NEBL: variants seen among roughly 807,000 people sequenced by gnomAD.
NEBL encodes nebulette, also known as LIM and SH3 protein 2.
Under a neutral mutation model 140.2 loss-of-function variants are expected in NEBL, and 122 were observed. The ratio of observed to expected loss-of-function variants is 0.87; its 90% CI spans 0.75 to 1.01. The LOEUF is 1.01. Ranked by LOEUF, NEBL falls within the 50% of genes least tolerant of loss-of-function variation. The pLI, the probability that NEBL is intolerant of heterozygous loss-of-function variation, is 0.00. For synonymous variants in NEBL, 436 were observed against 398.9 expected (o/e 1.09, Z -1.11); for missense variants, 1,365 against 1,231.3 (o/e 1.11, Z -1.62).
intron 26 of NEBL, among the ~76,000 whole-genome samples, chr10:20,800,810 T>TA (rs1216283373): frequency 2.0e-5 from 3 of 151,874 alleles, no homozygotes; most frequent in Admixed American, 2.0e-4. Context: ...AATTTCTTGG[T>TA]AAAAATCTAA....
intron 14 of NEBL, among the ~76,000 whole-genome samples, chr10:20,834,636 G>A (rs572225509): frequency 3.3e-5 from 5 of 152,276 alleles, no homozygotes; most frequent in Admixed American, 6.5e-5. Flanking sequence ...TCACACAACA[G>A]GTCTCAGGAT....
intron 7 of NEBL, among the ~76,000 whole-genome samples, chr10:20,866,742 GATGGGTGTAA>G (rs1424553880): frequency 2.6e-5 from 4 of 152,156 alleles, no homozygotes; most frequent in African/African-American, 7.2e-5. Context: ...GACACATTGT[GATGGGTGTAA>G]ATGGGTGTAA....
chr10:20,964,185 G>C (rs979049401), intron 3 of NEBL, among the ~76,000 whole-genome samples: 8 of 151,984 alleles, frequency 5.3e-5, no homozygotes, highest in African/African-American at 1.9e-4. Flanking sequence ...CAGCCAAAAA[G>C]GACACCACAT....
chr10:20,790,121 T>G (rs1332811531), intron 26 of NEBL, among the ~76,000 whole-genome samples: 1 of 152,008 alleles, frequency 6.6e-6, no homozygotes, highest in Non-Finnish European at 1.5e-5. Context: ...GAAGGGAGTT[T>G]AGAATGAGAA....
chr10:20,923,137 C>G (rs1009665403), intron 4 of NEBL, among the ~76,000 whole-genome samples: 4 of 152,070 alleles, frequency 2.6e-5, no homozygotes, highest in Admixed American at 6.5e-5. Context: ...GGTGCCATCA[C>G]GGCTCACTGC....
At chr10:21,062,539 T>A (rs1005731375) in intron 2 of NEBL, among the ~76,000 whole-genome samples, 4 of 151,816 alleles carry the variant, frequency 2.6e-5, no homozygotes, top group African/African-American at 9.7e-5. Context: ...AAAATAAAAT[T>A]AGCTGGGCAT....
chr10:20,877,508 C>T (rs1845612861), intron 5 of NEBL, among the ~76,000 whole-genome samples: 1 of 152,178 alleles, frequency 6.6e-6, no homozygotes, highest in Non-Finnish European at 1.5e-5. Flanking sequence ...TAACAAAGAG[C>T]AGCCTGTAAA....
chr10:21,068,651 T>A (rs115809731), intron 2 of NEBL, among the ~76,000 whole-genome samples: 1,753 of 152,324 alleles, frequency 0.012, 25 homozygotes, highest in African/African-American at 0.04. Flanking sequence ...AGCTGTCAGC[T>A]ACTAAGCCAG....
chr10:21,200,376 C>T (rs1242662884), intron 3 of NEBL, among the ~76,000 whole-genome samples: 2 of 127,510 alleles, frequency 1.6e-5, no homozygotes, highest in African/African-American at 3.0e-5. Flanking sequence ...TACAGTGACA[C>T]GATCTCGGCT....
At chr10:21,109,660 A>T (rs1289034450) in intron 2 of NEBL, among the ~76,000 whole-genome samples, 1 of 152,166 alleles carries the variant, frequency 6.6e-6, no homozygotes, top group Non-Finnish European at 1.5e-5. Context: ...GCTATTAATT[A>T]CTGCCTCAAT....
intron 2 of NEBL, among the ~76,000 whole-genome samples, chr10:21,143,941 G>C (rs746690792): frequency 1.3e-4 from 20 of 151,616 alleles, no homozygotes; most frequent in Non-Finnish European, 1.9e-4. Context: ...CAGAAAAGGA[G>C]AATGGTAATT....
At chr10:20,860,537 T>A (rs1162847248) in intron 7 of NEBL, among the ~76,000 whole-genome samples, 4 of 58,900 alleles carry the variant, frequency 6.8e-5, no homozygotes, top group Non-Finnish European at 1.4e-4. Flanking sequence ...CATAACTAAT[T>A]AGAATATAAA....
At chr10:21,209,213 A>G (rs1841877286) in intron 3 of NEBL, among the ~76,000 whole-genome samples, 1 of 152,232 alleles carries the variant, frequency 6.6e-6, no homozygotes, top group Non-Finnish European at 1.5e-5. Flanking sequence ...GCTTTTTAAA[A>G]AGACTTTTCT....
chr10:20,919,649 G>T (rs1333065672), intron 4 of NEBL, among the ~76,000 whole-genome samples: 2 of 152,016 alleles, frequency 1.3e-5, no homozygotes, highest in Admixed American at 6.6e-5. Flanking sequence ...GCATATAATT[G>T]GATCCATTTC....
chr10:20,826,620 T>C, intron 17 of NEBL, 81 bp from the exon 18 acceptor site: 1 of 1,066,492 alleles, frequency 9.4e-7, no homozygotes, highest in South Asian at 1.3e-5. Flanking sequence ...AGACAATTTC[T>C]CAGGTTTTAT....
rs1208555721 is a variant in NEBL, at chr10:20,782,044, G to T, written c.*3703C>A. On this transcript the variant is annotated 3_prime_UTR_variant, in exon 28 of 28. Transcript: ENST00000377122. ...CAAATCTAAAGTTAATGTTTATATAGCTCAACTCTATATAAATCCACAAAG... is the reference window on the plus strand; with the variant it reads ...CAAATCTAAAGTTAATGTTTATATATCTCAACTCTATATAAATCCACAAAG... 1 of 152,382 alleles carries T rather than the reference G, an allele frequency of 6.6e-6. No homozygotes were observed. Among genetic ancestry groups the T allele is most frequent in the African/African-American group, 2.4e-5 (1 of 41,342 alleles). 9.4% of individuals were successfully genotyped at this position (152,382 alleles called of 1,614,324 possible). A position where few individuals can be genotyped will look rare whatever the true frequency, so the allele number is the denominator to read the frequency against.
chr10:21,012,518 C>T (rs1439827576), intron 3 of NEBL, among the ~76,000 whole-genome samples: 1 of 152,016 alleles, frequency 6.6e-6, no homozygotes, highest in Admixed American at 6.6e-5. Context: ...AGCCACCATG[C>T]CTAGCTTATT....
intron 2 of NEBL, among the ~76,000 whole-genome samples, chr10:21,080,745 C>T (rs186731252): frequency 9.9e-5 from 15 of 152,248 alleles, no homozygotes; most frequent in Admixed American, 3.9e-4. Context: ...TGAGTAAATG[C>T]AACTTTGATG....
At position 21,173,654 on chromosome 10, in the gene NEBL, G is replaced by C; in HGVS notation, c.69+111C>G. 6.4e-7 allele frequency: 1 copy of C among 1,554,754 alleles called. No individual in the cohort carries two copies. Among genetic ancestry groups the C allele is most frequent in the Middle Eastern group, 1.7e-4 (1 of 5,988 alleles). The stretch of plus-strand genomic sequence containing the variant: ...GCCCTCCCCCCGTGCCAAGGCACAC[G>C]CACACGCACCGACCCACTCATTGCT... On this transcript the variant is annotated intron_variant, in intron 1 of 6. Transcript: ENST00000417816. This position sits in a 1 kb window ranked among gnomAD's most constrained non-coding sequence, Gnocchi z 5.7.
Sources: gnomAD v4.1 joint callset for allele counts (sites outside exome capture counted in the v4.1 genomes callset) on GRCh38, gnomAD v4.1.1 for gene constraint, Gnocchi (gnomAD v3.1) non-coding constraint, MANE v1.5 for transcripts, NCBI Gene and HGNC (gene_info 2026-07-23, HGNC 2026-07-21) for gene names.